Variants in IL12RB2 observed in about 807,000 individuals in gnomAD.
IL12RB2 encodes the protein interleukin-12 receptor subunit beta-2.
IL12RB2 carries 82 observed loss-of-function variants against 89.4 expected under a neutral mutation model. That is an observed-to-expected ratio of 0.92 (90% CI 0.77 to 1.10). The LOEUF is 1.10. IL12RB2 is among the 50% of genes least tolerant of loss of function. IL12RB2 has a pLI of 0.00. For missense variants in IL12RB2, 963 were observed against 1,031.9 expected (o/e 0.93, Z 0.92); for synonymous variants, 368 against 370.1 (o/e 0.99, Z 0.07).
chr1:67,384,376 G>A (rs1664921318), intron 14 of IL12RB2, among the ~76,000 whole-genome samples: 1 of 152,238 alleles, frequency 6.6e-6, no homozygotes, highest in Non-Finnish European at 1.5e-5. Flanking sequence ...CAGCTGGAGT[G>A]GCTAGGATGC....
At chr1:67,379,613 G>A (rs1570154806) in intron 13 of IL12RB2, among the ~76,000 whole-genome samples, 1 of 148,850 alleles carries the variant, frequency 6.7e-6, no homozygotes, top group Admixed American at 6.7e-5. Context: ...TACTAGAAAT[G>A]TTATCATCAT....
At chr1:67,390,221 G>T in intron 16 of IL12RB2, 93 bp downstream of exon 16, 1 of 759,828 alleles carries the variant, frequency 1.3e-6, no homozygotes, top group Non-Finnish European at 2.4e-6. Flanking sequence ...CCTGGGTGCT[G>T]AGATCCTATG....
chr1:67,361,907 C>T (rs1662092319), intron 10 of IL12RB2, among the ~76,000 whole-genome samples: 2 of 152,220 alleles, frequency 1.3e-5, no homozygotes, highest in South Asian at 4.1e-4. Flanking sequence ...AGAAAAAACT[C>T]TTGAAAGAAG....
chr1:67,334,788 T>C (rs1205193088), intron 8 of IL12RB2, among the ~76,000 whole-genome samples: 1 of 152,262 alleles, frequency 6.6e-6, no homozygotes, highest in African/African-American at 2.4e-5. Context: ...CGGATTCTTC[T>C]TTTGATTTCT....
At chr1:67,378,422 T>C (rs1423780025) in intron 13 of IL12RB2, among the ~76,000 whole-genome samples, 1 of 118,442 alleles carries the variant, frequency 8.4e-6, no homozygotes, top group Non-Finnish European at 1.8e-5. Flanking sequence ...ACTGGTAATC[T>C]AGGTTTACAG....
chr1:67,396,608 T>C lies in IL12RB2; in HGVS notation c.*519T>C, dbSNP rs1341684879. 1 of 171,476 alleles carries C rather than the reference T, an allele frequency of 5.8e-6. No homozygotes were observed. The highest frequency in any genetic ancestry group is 1.3e-5 in the Non-Finnish European group (1 of 79,068). The allele number at this position is 171,476 out of a possible 1,614,324, so 10.6% of individuals were successfully genotyped here. On this transcript the variant is annotated 3_prime_UTR_variant, in exon 17 of 17. Coordinates refer to ENST00000674203, the MANE Select transcript of IL12RB2 (RefSeq NM_001374259.2). ...CATTGGCTGTTAATCACTTGGAATGTGTTTAGCTTGACTGAGGAATTAAAT... is the reference window on the plus strand; with the variant it reads ...CATTGGCTGTTAATCACTTGGAATGCGTTTAGCTTGACTGAGGAATTAAAT...
intron 10 of IL12RB2, among the ~76,000 whole-genome samples, chr1:67,358,899 T>C (rs1333250597): frequency 1.3e-5 from 2 of 152,166 alleles, no homozygotes; most frequent in African/African-American, 2.4e-5. Flanking sequence ...CTCAGCACTT[T>C]GGGAGGCCAA....
chr1:67,336,335 C>T lies in IL12RB2; in HGVS notation c.959-2289C>T, dbSNP rs542012782. On this transcript the variant is annotated intron_variant, in intron 8 of 16. Coordinates refer to ENST00000674203, the MANE Select transcript of IL12RB2 (RefSeq NM_001374259.2). The stretch of plus-strand genomic sequence containing the variant: ...ACCCTTGCGTTGTGTGAGGGTTAAA[C>T]GAGATGATGTATATAGTGTCCGGAC... Among the ~76,000 whole-genome samples, 18 of 152,190 alleles carry T rather than the reference C, an allele frequency of 1.2e-4. No individual in the cohort carries two copies. In the South Asian group the frequency reaches 3.3e-3, roughly 28 times the overall value.
chr1:67,387,381 G>A (rs146909185), intron 15 of IL12RB2, among the ~76,000 whole-genome samples: 1,867 of 152,102 alleles, frequency 0.012, 49 homozygotes, highest in African/African-American at 0.043. Flanking sequence ...AACATATTAT[G>A]TGTCCATGAA....
At position 67,372,754 on chromosome 1, in the gene IL12RB2, G is replaced by C. The variant is rs768344875; in HGVS notation, c.1688G>C (p.Arg563Pro). ...LLHYRIYWKE[R>P]DSNSQPQLCE... is the part of the protein sequence containing the mutation. ...CATTATAGGATATACTGGAAGGAACGGGACTCCAACTCCCAGCCTCAGCTC... is the reference window on the plus strand; with the variant it reads ...CATTATAGGATATACTGGAAGGAACCGGACTCCAACTCCCAGCCTCAGCTC... Residue 563 changes from arginine to proline, a missense_variant, in exon 13 of 17, where the codon CGG becomes CCG. Physicochemically the swap from Arg to Pro is moderately radical, Grantham distance 103. Transcript: ENST00000674203. 6.2e-7 allele frequency: 1 copy of C among 1,608,468 alleles called. No homozygotes were observed. Among genetic ancestry groups the C allele is most frequent in the South Asian group, 1.1e-5 (1 of 90,976 alleles).
intron 10 of IL12RB2, among the ~76,000 whole-genome samples, chr1:67,355,269 C>T (rs1661260049): frequency 6.6e-6 from 1 of 151,824 alleles, no homozygotes; most frequent in Admixed American, 6.6e-5. Flanking sequence ...ACAAAATTAG[C>T]CAGGTGTGGT....
chr1:67,374,357 C>G (rs908742021), intron 13 of IL12RB2, among the ~76,000 whole-genome samples: 1 of 152,182 alleles, frequency 6.6e-6, no homozygotes, highest in Non-Finnish European at 1.5e-5. Flanking sequence ...GGTAAGGAAT[C>G]AATTGATCTC....
intron 5 of IL12RB2, among the ~76,000 whole-genome samples, chr1:67,327,289 G>A (rs1056629574): frequency 6.6e-6 from 1 of 152,150 alleles, no homozygotes; most frequent in East Asian, 1.9e-4. Context: ...GAAAGGAGAA[G>A]CAATAGATAC....
intron 1 of IL12RB2, among the ~76,000 whole-genome samples, chr1:67,309,787 T>C (rs555306335): frequency 2.0e-5 from 3 of 152,324 alleles, no homozygotes; most frequent in East Asian, 1.9e-4. Context: ...TGTGGACTTA[T>C]TTTTGTATTG....
chr1:67,358,849 TA>T (rs1388213413), intron 10 of IL12RB2, among the ~76,000 whole-genome samples: 7 of 151,908 alleles, frequency 4.6e-5, no homozygotes, highest in African/African-American at 1.7e-4. Flanking sequence ...GTGTTAAGAA[TA>T]AAAAACTTAG....
At chr1:67,328,575 C>G (rs556767206) in intron 6 of IL12RB2, among the ~76,000 whole-genome samples, 191 bp downstream of exon 6, 1 of 152,144 alleles carries the variant, frequency 6.6e-6, no homozygotes, top group Non-Finnish European at 1.5e-5. Flanking sequence ...GATGGCTATA[C>G]AAAGTGGGAT....
At chr1:67,350,832 T>C in intron 9 of IL12RB2, 38 bp from the exon 10 acceptor site, 5 of 1,611,264 alleles carry the variant, frequency 3.1e-6, no homozygotes, top group Non-Finnish European at 4.2e-6. Context: ...AGTGATCTTG[T>C]CTGGGAGTAA....
At position 67,386,611 on chromosome 1, in the gene IL12RB2, A is replaced by G; in HGVS notation, c.1888A>G (p.Ser630Gly). 1 of 1,613,844 alleles carries G rather than the reference A, an allele frequency of 6.2e-7. No individual in the cohort carries two copies. Among genetic ancestry groups the G allele is most frequent in the East Asian group, 2.2e-5 (1 of 44,856 alleles). ...KANWMAFVAP[S>G]ICIAIIMVGI... Reference sequence around the variant, plus strand: ...CAATTGGATGGCGTTTGTGGCACCAAGCATTTGCATTGCTATCATCATGGT... The same window carrying G: ...CAATTGGATGGCGTTTGTGGCACCAGGCATTTGCATTGCTATCATCATGGT... The change falls in exon 15 of 17, where the codon AGC becomes GGC. Residue 630 changes from serine to glycine, a missense_variant. Physicochemically the swap from Ser to Gly is moderately conservative, Grantham distance 56. Transcript: ENST00000674203.
Position 67,397,431 on chromosome 1 carries a change from C to A in IL12RB2, c.*1342C>A, listed in dbSNP as rs1349764445. On this transcript the variant is annotated 3_prime_UTR_variant, in exon 17 of 17. Coordinates refer to ENST00000674203, the MANE Select transcript of IL12RB2 (RefSeq NM_001374259.2). Reference sequence around the variant, plus strand: ...CTAAGACCCCAACCTCTGAGGTTGTCCTCAGAAGTGGTCTGTCCCCTGTTC... The same window carrying A: ...CTAAGACCCCAACCTCTGAGGTTGTACTCAGAAGTGGTCTGTCCCCTGTTC... Among the ~76,000 whole-genome samples, 2 of 152,174 alleles carry A rather than the reference C, an allele frequency of 1.3e-5. No individual in the cohort carries two copies. Among genetic ancestry groups the A allele is most frequent in the Non-Finnish European group, 2.9e-5 (2 of 68,038 alleles).
Sources: allele counts gnomAD v4.1 joint callset (sites outside exome capture counted in the v4.1 genomes callset), GRCh38; gene constraint gnomAD v4.1.1; transcripts MANE v1.5; gene names NCBI Gene and HGNC (gene_info 2026-07-23, HGNC 2026-07-21).